The following CENPT variants were observed in gnomAD, a reference collection of about 807,000 sequenced individuals.
The protein encoded by CENPT is centromere protein T, also known as interphase centromere complex protein 22.
A neutral mutation model predicts 59.7 loss-of-function variants in CENPT; 42 were observed. That is an observed-to-expected ratio of 0.70 (90% CI 0.55 to 0.91). CENPT has a LOEUF of 0.91. Ranked by LOEUF, CENPT falls within the 40% of genes least tolerant of loss-of-function variation. CENPT has a pLI of 0.00. For missense variants in CENPT, 716 were observed against 713.4 expected (o/e 1.00, Z -0.04); for synonymous variants, 295 against 289.6 (o/e 1.02, Z -0.19).
intron 1 of CENPT, among the ~76,000 whole-genome samples, chr16:67,841,035 A>G (rs2057757876): frequency 7.2e-6 from 1 of 139,310 alleles, no homozygotes. Flanking sequence ...ATATATATAT[A>G]TATATATATA....
At position 67,836,155 on chromosome 16, in the gene CENPT, T is replaced by A. The variant is rs552117695; in HGVS notation, c.-491-497A>T. On this transcript the variant is annotated intron_variant, in intron 1 of 15. Transcript: ENST00000562787. ...GCTCACTGCAACCTCTGCCTCCCGG[T>A]TTCAAGCAATTCTCCCTGCCTCAGC... Among the ~76,000 whole-genome samples the A allele has an allele frequency of 3.4e-4, 50 of 146,588 alleles. No homozygotes were observed. In the South Asian group the frequency reaches 0.011, roughly 31 times the overall value.
chr16:67,831,012 T>C, intron 10 of CENPT: 1 of 683,682 alleles, frequency 1.5e-6, no homozygotes. Context: ...TCTAAGGATA[T>C]GGGGCCCTGG....
chr16:67,835,187 T>A lies in CENPT; in HGVS notation c.-257A>T, dbSNP rs2057727985. On this transcript the variant is annotated 5_prime_UTR_variant, in exon 3 of 16. Coordinates refer to ENST00000562787, the MANE Select transcript of CENPT (RefSeq NM_025082.4). ...AGATGCTTACCATATTCTGTTAGTG[T>A]TTTCCTCCGTATTTTTCACTGGTTG... 1 of 152,170 alleles carries A rather than the reference T, an allele frequency of 6.6e-6. No homozygotes were observed. Among genetic ancestry groups the A allele is most frequent in the Non-Finnish European group, 1.5e-5 (1 of 68,044 alleles). The allele number at this position is 152,170 out of a possible 1,614,324, so 9.4% of individuals were successfully genotyped here.
chr16:67,829,259 AGGATGGCAGG>A, intron 13 of CENPT, 154 bp downstream of exon 13: 1 of 574,556 alleles, frequency 1.7e-6, no homozygotes, highest in Non-Finnish European at 2.9e-6. Context: ...GGCAGGCACC[AGGATGGCAGG>A]GGTGCTCTTG....
At position 67,842,506 on chromosome 16, in the gene CENPT, CGAA is replaced by C; in HGVS notation, c.-492+4892_-492+4894del. 1 of 1,425,406 alleles carries C rather than the reference CGAA, an allele frequency of 7.0e-7. No homozygotes were observed. The allele number at this position is 1,425,406 out of a possible 1,614,324, so 88.3% of individuals were successfully genotyped here. On this transcript the variant is annotated intron_variant, in intron 1 of 15. Transcript: ENST00000562787. This position sits in a 1 kb window ranked among gnomAD's most constrained non-coding sequence, Gnocchi z 4.9. The stretch of plus-strand genomic sequence containing the variant: ...GGCGGCGGCGTAGCCACTGGGCCGT[CGAA>C]GAGCGCAGGAGGCCGGTGGGCCGGG...
At chr16:67,835,969 C>T (rs920281468) in intron 1 of CENPT, among the ~76,000 whole-genome samples, 7 of 151,450 alleles carry the variant, frequency 4.6e-5, no homozygotes, top group Admixed American at 2.6e-4. Flanking sequence ...ATGCTGGTCT[C>T]GAACTCCTCA....
At chr16:67,841,440 A>C (rs1214039649) in intron 1 of CENPT, 1 of 152,110 alleles carries the variant, frequency 6.6e-6, no homozygotes, top group East Asian at 1.9e-4. Context: ...GTGGCCTTAC[A>C]GACTGGTTCC....
chr16:67,828,176 T>C lies in CENPT; in HGVS notation c.*91A>G, dbSNP rs897789721. Reference sequence around the variant, plus strand: ...AGAATATTCTGTTTATGACACTTTATTGATGCTGGGGGGGTGGGGAGGAGA... The same window carrying C: ...AGAATATTCTGTTTATGACACTTTACTGATGCTGGGGGGGTGGGGAGGAGA... On this transcript the variant is annotated 3_prime_UTR_variant, in exon 16 of 16. Transcript: ENST00000562787. 1.6e-6 allele frequency: 2 copies of C among 1,246,644 alleles called. No individual in the cohort carries two copies. The highest frequency in any genetic ancestry group is 2.2e-6 in the Non-Finnish European group (2 of 921,480). 77.2% of individuals were successfully genotyped at this position (1,246,644 alleles called of 1,614,324 possible).
rs532707792 is a variant in CENPT, at chr16:67,830,053, C to T, written c.898G>A (p.Ala300Thr). Residue 300 changes from alanine (A) to threonine (T), a missense_variant, in exon 12 of 16, where the codon GCA becomes ACA. Physicochemically the swap from Ala to Thr is moderately conservative, Grantham distance 58. Transcript: ENST00000562787. ...GKPAQFLAGEAEEVNAFALGF... is the reference protein window; with the variant it reads ...GKPAQFLAGETEEVNAFALGF... ...AGAGCAAAGGCATTGACCTCCTCTG[C>T]CTCTCCTGCCAGAAACTGGGCTGGT... is the stretch of plus-strand genomic sequence containing the variant. 5.0e-6 allele frequency: 8 copies of T among 1,614,228 alleles called. No individual in the cohort carries two copies. The highest frequency in any genetic ancestry group is 1.7e-5 in the Admixed American group (1 of 60,032).
intron 13 of CENPT, 147 bp downstream of exon 13, chr16:67,829,276 C>T (rs1434676832): frequency 3.2e-6 from 2 of 623,604 alleles, no homozygotes; most frequent in Non-Finnish European, 5.2e-6. Flanking sequence ...CAGGGGTGCT[C>T]TTGGTGAGCT....
rs1008348261 is a variant in CENPT at position 67,831,239 on chromosome 16, C to T, written c.680G>A (p.Arg227Gln). ...VDVGAFLRDL[R>Q]DTSLAPPNIV... is the part of the protein sequence containing the mutation. ...ACTTGGAGGAGCCAGGGAAGTATCT[C>T]GCAGATCCCGCAAAAAGGCACCCAC... The change falls in exon 10 of 16, where the codon CGA becomes CAA. Residue 227 changes from arginine to glutamine, a missense_variant. Physicochemically the swap from Arg to Gln is conservative, Grantham distance 43. Coordinates refer to ENST00000562787, the MANE Select transcript of CENPT (RefSeq NM_025082.4). 8 of 1,614,082 alleles carry T rather than the reference C, an allele frequency of 5.0e-6. No individual in the cohort carries two copies. Among genetic ancestry groups the T allele is most frequent in the East Asian group, 4.5e-5 (2 of 44,866 alleles).
Position 67,842,391 on chromosome 16 carries a change from G to C in CENPT, c.-492+5010C>G. ...CGCGGGCCGGCAGGAAGCGTATTCT[G>C]GGCACGGGGCGCCGGGCGGGCCGGC... On this transcript the variant is annotated intron_variant, in intron 1 of 15. Coordinates refer to ENST00000562787, the MANE Select transcript of CENPT (RefSeq NM_025082.4). The surrounding 1 kb of genome is among the most constrained non-coding windows in gnomAD (Gnocchi z 4.9). 1 of 346,184 alleles carries C rather than the reference G, an allele frequency of 2.9e-6. No homozygotes were observed. Among genetic ancestry groups the C allele is most frequent in the South Asian group, 1.3e-4 (1 of 7,706 alleles). 21.4% of individuals were successfully genotyped at this position (346,184 alleles called of 1,614,324 possible).
At chr16:67,833,035 G>C (rs1425896591) in intron 4 of CENPT, among the ~76,000 whole-genome samples, 1 of 152,128 alleles carries the variant, frequency 6.6e-6, no homozygotes, top group Admixed American at 6.5e-5. Context: ...CTACCTCATG[G>C]GTGTAAAACC....
At chr16:67,837,486 A>C (rs1325725380) in intron 1 of CENPT, among the ~76,000 whole-genome samples, 3 of 151,626 alleles carry the variant, frequency 2.0e-5, no homozygotes, top group African/African-American at 7.3e-5. Context: ...AGGCAGGTGG[A>C]TCACAAGGTC....
Position 67,830,081 on chromosome 16 carries a change from C to T in CENPT, c.870G>A (p.Gly290=). ...SGPGLQKNSP[G]KPAQFLAGEA... is the part of the protein sequence containing the mutation. ...CTCCTGCCAGAAACTGGGCTGGTTT[C>T]CCAGGGCCTGAGTGAAGGGGAGAGA... The change falls in exon 12 of 16, where the codon GGG becomes GGA. Residue 290 remains glycine (G), a synonymous_variant. Coordinates refer to ENST00000562787, the MANE Select transcript of CENPT (RefSeq NM_025082.4). 2.5e-6 allele frequency: 4 copies of T among 1,614,060 alleles called. No homozygotes were observed. The highest frequency in any genetic ancestry group is 3.4e-6 in the Non-Finnish European group (4 of 1,179,954).
rs528756740 is a variant in CENPT at position 67,834,563 on chromosome 16, G to C, written c.-241-463C>G. The stretch of plus-strand genomic sequence containing the variant: ...GAGCCCAGGAGTTCAAGACTTAAGT[G>C]AGTCGTGATCGCACTCCAGCCTGGG... On this transcript the variant is annotated intron_variant, in intron 3 of 15. Coordinates refer to ENST00000562787, the MANE Select transcript of CENPT (RefSeq NM_025082.4). 4.6e-5 allele frequency among the ~76,000 whole-genome samples: 7 copies of C among 152,278 alleles called. No homozygotes were observed. The South Asian group carries it at 1.5e-3, about 32-fold the overall frequency.
chr16:67,832,672 T>C, intron 4 of CENPT, 127 bp from the exon 5 acceptor site: 1 of 745,358 alleles, frequency 1.3e-6, no homozygotes, highest in Non-Finnish European at 2.2e-6. Context: ...CAGAAACCAC[T>C]TGCCCCTACC....
At chr16:67,846,448 C>T (rs2057798970) in intron 1 of CENPT, among the ~76,000 whole-genome samples, 2 of 152,272 alleles carry the variant, frequency 1.3e-5, no homozygotes, top group East Asian at 1.9e-4. Context: ...CTGTGCGTTC[C>T]GCCCGGGCTG....
Position 67,831,851 on chromosome 16 carries a change from G to T in CENPT, c.426C>A (p.Thr142=). The change falls in exon 8 of 16, where the codon ACC becomes ACA. Residue 142 remains threonine (T), a synonymous_variant. Transcript: ENST00000562787. Reference sequence around the variant, plus strand: ...CAGGGGCCAGCAGACCTGGAGCCAGGGTTGTGGGGGGCTCGAGCTCAGGAA... The same window carrying T: ...CAGGGGCCAGCAGACCTGGAGCCAGTGTTGTGGGGGGCTCGAGCTCAGGAA... ...LQLPELEPPT[T]LAPGLLAPGR... The T allele has an allele frequency of 6.2e-7, 1 of 1,611,306 alleles. No homozygotes were observed. Among genetic ancestry groups the T allele is most frequent in the Non-Finnish European group, 8.5e-7 (1 of 1,179,162 alleles).
Sources: gnomAD v4.1 joint callset for allele counts (sites outside exome capture counted in the v4.1 genomes callset) on GRCh38, gnomAD v4.1.1 for gene constraint, Gnocchi (gnomAD v3.1) non-coding constraint, MANE v1.5 for transcripts, NCBI Gene and HGNC (gene_info 2026-07-23, HGNC 2026-07-21) for gene names.